The following FSTL4 variants were observed in gnomAD, a reference collection of about 807,000 sequenced individuals.
The protein encoded by FSTL4 is follistatin-related protein 4.
In FSTL4, 28 loss-of-function variants were observed where a neutral mutation model predicts 78.2. The ratio of observed to expected loss-of-function variants is 0.36; its 90% CI spans 0.27 to 0.49. The LOEUF is 0.49. Among genes scored for constraint, FSTL4 ranks in the 20% least tolerant of loss-of-function variants. FSTL4 has a pLI of 0.98. For synonymous variants in FSTL4, 422 were observed against 440.5 expected, an observed-to-expected ratio of 0.96 and a Z score of 0.53; for missense variants, 922 against 1,084.9, an observed-to-expected ratio of 0.85 and a Z score of 2.11.
At chr5:133,787,003 A>G in the FSTL4 span, among the ~76,000 whole-genome samples, 1 of 152,176 alleles carries the variant, frequency 6.6e-6, no homozygotes, top group Non-Finnish European at 1.5e-5. Flanking sequence ...AAACCTGAGC[A>G]GGCTGACCTG....
At chr5:133,769,797 T>A in the FSTL4 span, among the ~76,000 whole-genome samples, 3 of 152,186 alleles carry the variant, frequency 2.0e-5, no homozygotes, top group Admixed American at 6.5e-5. Context: ...AGTGTACCCA[T>A]CACCTGAATA....
chr5:133,339,695 C>T (rs946521305), intron 4 of FSTL4, among the ~76,000 whole-genome samples: 22 of 152,224 alleles, frequency 1.4e-4, no homozygotes, highest in Admixed American at 2.6e-4. Context: ...TGCCATAGGA[C>T]AGCCCCTTGG....
rs115226728 is a variant in FSTL4, at chr5:133,296,218, C to T, written c.727+16436G>A. ...CTAATAACCACATGCAACTCATCAG[C>T]AAATCTCTTTGGCACCGCCCTTCAG... On this transcript the variant is annotated intron_variant, in intron 6 of 15. Coordinates refer to ENST00000265342, the MANE Select transcript of FSTL4 (RefSeq NM_015082.2). 8.4e-3 allele frequency among the ~76,000 whole-genome samples: 1,281 copies of T among 152,278 alleles called. 13 individuals are homozygous for T. The highest frequency in any genetic ancestry group is 0.027 in the African/African-American group (1,117 of 41,558).
At chr5:133,658,161 G>A in the FSTL4 span, among the ~76,000 whole-genome samples, 1 of 152,040 alleles carries the variant, frequency 6.6e-6, no homozygotes, top group East Asian at 1.9e-4. Context: ...AAGATAAACT[G>A]TTACATTTGA....
At chr5:133,214,499 C>A (rs1484975392) in intron 13 of FSTL4, among the ~76,000 whole-genome samples, 3 of 152,116 alleles carry the variant, frequency 2.0e-5, no homozygotes, top group Non-Finnish European at 2.9e-5. Flanking sequence ...AAATTTATAC[C>A]CACAATTCTT....
the FSTL4 span, among the ~76,000 whole-genome samples, chr5:133,802,370 G>A: frequency 6.6e-6 from 1 of 152,202 alleles, no homozygotes; most frequent in Non-Finnish European, 1.5e-5. Context: ...AACCCATGCA[G>A]CTGAAAGGTC....
chr5:133,347,912 T>C (rs1305177198), intron 4 of FSTL4, among the ~76,000 whole-genome samples: 1 of 152,178 alleles, frequency 6.6e-6, no homozygotes, highest in Non-Finnish European at 1.5e-5. Context: ...ACCTGCATCA[T>C]AGCCAGGAAG....
intron 3 of FSTL4, among the ~76,000 whole-genome samples, chr5:133,441,353 C>T (rs147135469): frequency 2.8e-3 from 426 of 152,262 alleles, no homozygotes; most frequent in African/African-American, 9.8e-3. Context: ...CAGACATGCC[C>T]CTGCATCCTG....
chr5:133,832,010 G>T, the FSTL4 span, among the ~76,000 whole-genome samples: 5 of 152,184 alleles, frequency 3.3e-5, no homozygotes, highest in Admixed American at 2.6e-4. Flanking sequence ...TCATGAGAGG[G>T]TTCTAAATCC....
the FSTL4 span, among the ~76,000 whole-genome samples, chr5:133,669,139 CACTTCTTCA>C: frequency 6.6e-6 from 1 of 152,328 alleles, no homozygotes; most frequent in African/African-American, 2.4e-5. Context: ...TCACCAAAAT[CACTTCTTCA>C]ACAGCCTGAG....
At chr5:133,657,775 G>GTTTTTTTTTTTTTTTTTTTTTTTT in the FSTL4 span, among the ~76,000 whole-genome samples, 1 of 133,700 alleles carries the variant, frequency 7.5e-6, no homozygotes, top group African/African-American at 2.8e-5. Context: ...TGTTTTTTTT[G>GTTTTTTTTTTTTTTTTTTTTTTTT]TTTTTTTTTT....
the FSTL4 span, among the ~76,000 whole-genome samples, chr5:133,686,248 T>C: frequency 6.6e-6 from 1 of 152,212 alleles, no homozygotes; most frequent in Non-Finnish European, 1.5e-5. Context: ...TCTGTTCCTC[T>C]ACTCACTAGC....
At chr5:133,416,661 T>C (rs1374227842) in intron 3 of FSTL4, among the ~76,000 whole-genome samples, 1 of 152,232 alleles carries the variant, frequency 6.6e-6, no homozygotes, top group East Asian at 1.9e-4. Context: ...AAATTCCTAC[T>C]TGATGGGATG....
In FSTL4 at chr5:133,431,590, C is replaced by T. The variant is rs563116971; in HGVS notation, c.161-30604G>A. Among the ~76,000 whole-genome samples, 5 of 152,266 alleles carry T rather than the reference C, an allele frequency of 3.3e-5. No individual in the cohort carries two copies. The South Asian group carries it at 6.2e-4, about 19-fold the overall frequency. The stretch of plus-strand genomic sequence containing the variant: ...ATGTGTGGGTAACACTGGATAAGGC[C>T]CTCAATTATAGCCCAGCCAGCAGCT... On this transcript the variant is annotated intron_variant, in intron 3 of 15. Coordinates refer to ENST00000265342, the MANE Select transcript of FSTL4 (RefSeq NM_015082.2).
At chr5:133,345,956 G>A (rs536394506) in intron 4 of FSTL4, among the ~76,000 whole-genome samples, 17 of 152,190 alleles carry the variant, frequency 1.1e-4, no homozygotes, top group African/African-American at 3.6e-4. Flanking sequence ...TGTTTATTGC[G>A]CCACTATTCA....
At chr5:133,784,763 ATTG>A in the FSTL4 span, among the ~76,000 whole-genome samples, 1 of 152,116 alleles carries the variant, frequency 6.6e-6, no homozygotes, top group African/African-American at 2.4e-5. Flanking sequence ...CACATAATAA[ATTG>A]TTTTGGCACA....
At chr5:133,593,047 C>T (rs908539018) in intron 2 of FSTL4, among the ~76,000 whole-genome samples, 5 of 152,082 alleles carry the variant, frequency 3.3e-5, no homozygotes, top group African/African-American at 1.2e-4. Context: ...CAGTTTTGGC[C>T]ACCGGGGTGG....
In FSTL4 at chr5:133,440,065, G is replaced by A. The variant is rs918694140; in HGVS notation, c.161-39079C>T. Among the ~76,000 whole-genome samples, 6 of 152,142 alleles carry A rather than the reference G, an allele frequency of 3.9e-5. No homozygotes were observed. Among genetic ancestry groups the A allele is most frequent in the Non-Finnish European group, 7.4e-5 (5 of 68,008 alleles). On this transcript the variant is annotated intron_variant, in intron 3 of 15. Transcript: ENST00000265342. This position sits in a 1 kb window ranked among gnomAD's most constrained non-coding sequence, Gnocchi z 4.1. Reference sequence around the variant, plus strand: ...TGGGGGTGGGGGACATGCTGGGGTCGGGAGGAAGGAAAGGAAGAGTCACCC... The same window carrying A: ...TGGGGGTGGGGGACATGCTGGGGTCAGGAGGAAGGAAAGGAAGAGTCACCC...
chr5:133,478,621 A>C (rs750660509), intron 3 of FSTL4, among the ~76,000 whole-genome samples: 13 of 152,232 alleles, frequency 8.5e-5, no homozygotes, highest in Non-Finnish European at 1.6e-4. Flanking sequence ...TGCCTGATCA[A>C]CAATAGCTGA....
Sources: gnomAD v4.1 joint callset for allele counts (sites outside exome capture counted in the v4.1 genomes callset) on GRCh38, gnomAD v4.1.1 for gene constraint, Gnocchi (gnomAD v3.1) non-coding constraint, MANE v1.5 for transcripts, NCBI Gene and HGNC (gene_info 2026-07-23, HGNC 2026-07-21) for gene names.